CTDSPL: variants seen among roughly 807,000 people sequenced by gnomAD.
CTDSPL encodes the protein CTD small phosphatase like, also known as CTD small phosphatase-like protein.
Under a neutral mutation model 30.5 loss-of-function variants are expected in CTDSPL, and 8 were observed. That is an observed-to-expected ratio of 0.26 (90% CI 0.15 to 0.47). The LOEUF (loss-of-function observed/expected upper bound fraction) is 0.47. Among genes scored for constraint, CTDSPL ranks in the 20% least tolerant of loss-of-function variants. CTDSPL has a pLI of 0.99. For missense variants in CTDSPL, 248 were observed against 366.1 expected (o/e 0.68, Z 2.63); for synonymous variants, 110 against 137.9 (o/e 0.80, Z 1.42).
At chr3:37,889,380 A>G (rs1046646264) in intron 1 of CTDSPL, among the ~76,000 whole-genome samples, 2 of 152,248 alleles carry the variant, frequency 1.3e-5, no homozygotes, top group African/African-American at 4.8e-5. Context: ...TTGGAAAATA[A>G]AAATATCACT....
chr3:37,918,619 TAATATGATA>T, intron 1 of CTDSPL, among the ~76,000 whole-genome samples: 1 of 152,346 alleles, frequency 6.6e-6, no homozygotes, highest in East Asian at 1.9e-4. Context: ...TCTCTTGATT[TAATATGATA>T]ACAGACTTCA....
At chr3:37,928,734 G>A (rs1394208162) in intron 1 of CTDSPL, among the ~76,000 whole-genome samples, 1 of 152,092 alleles carries the variant, frequency 6.6e-6, no homozygotes, top group East Asian at 1.9e-4. Flanking sequence ...GCTTTAGGTT[G>A]CCTTTTCACT....
intron 1 of CTDSPL, among the ~76,000 whole-genome samples, chr3:37,943,031 G>A (rs1333413487): frequency 6.7e-6 from 1 of 150,248 alleles, no homozygotes; most frequent in Non-Finnish European, 1.5e-5. Context: ...TTTAAGAATC[G>A]ATTAGGATGT....
intron 1 of CTDSPL, among the ~76,000 whole-genome samples, chr3:37,871,381 A>C (rs1698069684): frequency 1.3e-5 from 2 of 152,220 alleles, no homozygotes; most frequent in Admixed American, 1.3e-4. Flanking sequence ...GGTTGCTTCC[A>C]AGTTTTAGCC....
At position 37,944,507 on chromosome 3, in the gene CTDSPL, C is replaced by T. The variant is rs903137376; in HGVS notation, c.80-2550C>T. Among the ~76,000 whole-genome samples the T allele has an allele frequency of 3.3e-5, 5 of 150,022 alleles. 1 individual carries two copies. Among genetic ancestry groups the T allele is most frequent in the Admixed American group, 1.3e-4 (2 of 14,936 alleles). ...AGCTGGGGCTGGAAGGCAGTAGGGT[C>T]ATTAGTCCAGAGCACCCACGTCTGG... On this transcript the variant is annotated intron_variant, in intron 1 of 7. Coordinates refer to ENST00000273179, the MANE Select transcript of CTDSPL (RefSeq NM_001008392.2).
At chr3:37,970,158 T>C (rs1575323415) in intron 5 of CTDSPL, among the ~76,000 whole-genome samples, 1 of 152,132 alleles carries the variant, frequency 6.6e-6, no homozygotes, top group Admixed American at 6.6e-5. Flanking sequence ...AGGCCTCGGG[T>C]CTCACCCTCT....
intron 1 of CTDSPL, among the ~76,000 whole-genome samples, chr3:37,892,715 ACT>A (rs902508205): frequency 2.6e-5 from 4 of 151,764 alleles, no homozygotes; most frequent in Non-Finnish European, 4.4e-5. Flanking sequence ...GTTCATTTAA[ACT>A]CTCTGAGCAA....
intron 1 of CTDSPL, among the ~76,000 whole-genome samples, chr3:37,919,235 C>T (rs1698686399): frequency 6.6e-6 from 1 of 152,192 alleles, no homozygotes; most frequent in Non-Finnish European, 1.5e-5. Flanking sequence ...GAAGATGCTT[C>T]ATCATAGACT....
intron 6 of CTDSPL, among the ~76,000 whole-genome samples, chr3:37,972,056 A>C (rs1249323973): frequency 6.6e-6 from 1 of 152,230 alleles, no homozygotes; most frequent in Admixed American, 6.5e-5. Flanking sequence ...AGATCACATG[A>C]AATAACATAT....
intron 1 of CTDSPL, among the ~76,000 whole-genome samples, chr3:37,931,145 CTTTT>C (rs35669035): frequency 9.3e-5 from 13 of 139,290 alleles, no homozygotes; most frequent in Non-Finnish European, 1.7e-4. Context: ...TCCTCTTTGT[CTTTT>C]TTTTTTTTTT....
chr3:37,971,243 C>T (rs1458408387), intron 5 of CTDSPL, among the ~76,000 whole-genome samples, 164 bp from the exon 6 acceptor site: 1 of 152,226 alleles, frequency 6.6e-6, no homozygotes, highest in Non-Finnish European at 1.5e-5. Context: ...CCACGTCTGA[C>T]TCCATAGCCC....
intron 1 of CTDSPL, among the ~76,000 whole-genome samples, chr3:37,925,018 C>G (rs1698764920): frequency 6.6e-6 from 1 of 152,206 alleles, no homozygotes; most frequent in Non-Finnish European, 1.5e-5. Flanking sequence ...CTGGTCTCAC[C>G]TAGTGATACA....
intron 1 of CTDSPL, among the ~76,000 whole-genome samples, chr3:37,866,491 T>A (rs571672042): frequency 3.0e-4 from 45 of 152,282 alleles, no homozygotes; most frequent in African/African-American, 9.9e-4. Context: ...TGAAATATAC[T>A]CATTTTACAG....
intron 2 of CTDSPL, among the ~76,000 whole-genome samples, chr3:37,952,637 A>C (rs777610903): frequency 9.2e-5 from 14 of 152,240 alleles, no homozygotes; most frequent in Non-Finnish European, 1.6e-4. Flanking sequence ...TTTCTATCTG[A>C]TGACAGGTAT....
intron 3 of CTDSPL, among the ~76,000 whole-genome samples, chr3:37,963,516 C>T (rs1281384202): frequency 6.6e-6 from 1 of 152,098 alleles, no homozygotes; most frequent in Non-Finnish European, 1.5e-5. Context: ...ATAGATATTT[C>T]CTTTTGTTTT....
chr3:37,878,294 G>C (rs937236740), intron 1 of CTDSPL, among the ~76,000 whole-genome samples: 1 of 151,998 alleles, frequency 6.6e-6, no homozygotes, highest in Admixed American at 6.5e-5. Context: ...ATTTTCTCCT[G>C]TGTTTTCTCT....
chr3:37,922,281 C>T (rs1698726349), intron 1 of CTDSPL, among the ~76,000 whole-genome samples: 1 of 152,024 alleles, frequency 6.6e-6, no homozygotes, highest in Admixed American at 6.6e-5. Flanking sequence ...TGAGGGCAGC[C>T]ACCTCTAGCA....
At position 37,982,036 on chromosome 3, in the gene CTDSPL, C is replaced by T; in HGVS notation, c.*1169C>T. On this transcript the variant is annotated 3_prime_UTR_variant, in exon 8 of 8. Coordinates refer to ENST00000273179, the MANE Select transcript of CTDSPL (RefSeq NM_001008392.2). ...ACCTGTAACCCCTTCCTGGCATTGG[C>T]CACTGAAGGGTACAAAGGCAAAAGG... 2.6e-6 allele frequency: 1 copy of T among 385,358 alleles called. No individual in the cohort carries two copies. The highest frequency in any genetic ancestry group is 5.2e-6 in the Non-Finnish European group (1 of 192,390). 23.9% of individuals were successfully genotyped at this position (385,358 alleles called of 1,614,324 possible).
At chr3:37,927,853 T>G (rs1301243655) in intron 1 of CTDSPL, among the ~76,000 whole-genome samples, 1 of 151,916 alleles carries the variant, frequency 6.6e-6, no homozygotes, top group African/African-American at 2.4e-5. Context: ...CATTTCCCCC[T>G]CCTCCCAGCC....
Sources: gnomAD v4.1 joint callset for allele counts (sites outside exome capture counted in the v4.1 genomes callset) on GRCh38, gnomAD v4.1.1 for gene constraint, MANE v1.5 for transcripts, NCBI Gene and HGNC (gene_info 2026-07-23, HGNC 2026-07-21) for gene names.